ZNF474: variants seen among roughly 807,000 people sequenced by gnomAD.
The protein encoded by ZNF474 is 4933409D10Rik.
For missense variants in ZNF474, 511 were observed against 433.8 expected, an observed-to-expected ratio of 1.18 and a Z score of -1.58; for synonymous variants, 192 against 162.2, an observed-to-expected ratio of 1.18 and a Z score of -1.39.
intron 1 of ZNF474, among the ~76,000 whole-genome samples, chr5:122,138,667 G>A (rs1352751641): frequency 6.6e-6 from 1 of 152,170 alleles, no homozygotes; most frequent in Non-Finnish European, 1.5e-5. Context: ...AGATGGACTA[G>A]CATTGTGGCA....
At chr5:122,138,801 T>C (rs973533706) in intron 1 of ZNF474, among the ~76,000 whole-genome samples, 5 of 152,174 alleles carry the variant, frequency 3.3e-5, no homozygotes, top group African/African-American at 1.2e-4. Flanking sequence ...TGTGTATGTG[T>C]ATGTGTATTC....
chr5:122,138,281 CT>C (rs1444785507), intron 1 of ZNF474, among the ~76,000 whole-genome samples: 1 of 152,114 alleles, frequency 6.6e-6, no homozygotes, highest in Non-Finnish European at 1.5e-5. Context: ...TTTAGAGTGT[CT>C]GTTAGTGCCT....
At chr5:122,144,492 C>T (rs1755934349) in intron 1 of ZNF474, among the ~76,000 whole-genome samples, 1 of 152,150 alleles carries the variant, frequency 6.6e-6, no homozygotes, top group African/African-American at 2.4e-5. Context: ...CCAGCTCTTC[C>T]ACTTTTCAAG....
intron 1 of ZNF474, among the ~76,000 whole-genome samples, chr5:122,131,023 C>T (rs1755562078): frequency 6.6e-6 from 1 of 152,026 alleles, no homozygotes; most frequent in South Asian, 2.1e-4. Flanking sequence ...TCATGGTAAC[C>T]ATTATTGCAC....
chr5:122,146,563 T>C (rs1404723579), intron 1 of ZNF474, among the ~76,000 whole-genome samples: 1 of 152,188 alleles, frequency 6.6e-6, no homozygotes, highest in African/African-American at 2.4e-5. Flanking sequence ...AAATTTGAAA[T>C]AACATTATTA....
At chr5:122,130,943 C>T (rs1360556176) in intron 1 of ZNF474, among the ~76,000 whole-genome samples, 1 of 152,026 alleles carries the variant, frequency 6.6e-6, no homozygotes, top group African/African-American at 2.4e-5. Flanking sequence ...CATTAGGTTT[C>T]TAGCATTTAC....
chr5:122,130,849 GT>G (rs1199014503), intron 1 of ZNF474, among the ~76,000 whole-genome samples: 1 of 152,094 alleles, frequency 6.6e-6, no homozygotes, highest in African/African-American at 2.4e-5. Flanking sequence ...TTTGGCTGTG[GT>G]GAGAATGCTT....
At chr5:122,139,015 T>G (rs1755772635) in intron 1 of ZNF474, among the ~76,000 whole-genome samples, 1 of 152,250 alleles carries the variant, frequency 6.6e-6, no homozygotes, top group African/African-American at 2.4e-5. Context: ...ATTCCTTGAA[T>G]CAGTTCATGG....
chr5:122,135,399 C>T (rs750379158), intron 1 of ZNF474, among the ~76,000 whole-genome samples: 1 of 152,164 alleles, frequency 6.6e-6, no homozygotes, highest in Non-Finnish European at 1.5e-5. Flanking sequence ...AAATGTCCAA[C>T]ATCACTAATC....
In ZNF474 at chr5:122,152,643, G is replaced by C. The variant is rs758436284; in HGVS notation, c.653G>C (p.Arg218Pro). ...AAAGCTTGTAGTGGAACCCCAGCCC[G>C]ACCAAGGACTGTTATCTGCTACATA... ...LKKACSGTPARPRTVICYICG... is the reference protein window; with the variant it reads ...LKKACSGTPAPPRTVICYICG... Residue 218 changes from arginine (R) to proline (P), a missense_variant, in exon 2 of 2, where the codon CGA becomes CCA. Coordinates refer to ENST00000296600, the MANE Select transcript of ZNF474 (RefSeq NM_207317.3). The C allele has an allele frequency of 3.1e-6, 5 of 1,614,034 alleles. No homozygotes were observed. The highest frequency in any genetic ancestry group is 1.3e-5 in the African/African-American group (1 of 74,910).
intron 1 of ZNF474, among the ~76,000 whole-genome samples, chr5:122,138,854 A>T (rs1755769991): frequency 6.6e-6 from 1 of 152,158 alleles, no homozygotes; most frequent in Admixed American, 6.6e-5. Flanking sequence ...GTGAGGTGAT[A>T]ATAAGTATAA....
chr5:122,134,291 A>G (rs1410050889), intron 1 of ZNF474, among the ~76,000 whole-genome samples: 5 of 152,230 alleles, frequency 3.3e-5, no homozygotes, highest in Non-Finnish European at 5.9e-5. Flanking sequence ...CCAAGGTGCA[A>G]TGCAGCCAAG....
At chr5:122,135,944 G>T (rs1438586036) in intron 1 of ZNF474, among the ~76,000 whole-genome samples, 1 of 151,984 alleles carries the variant, frequency 6.6e-6, no homozygotes, top group Non-Finnish European at 1.5e-5. Flanking sequence ...AAAAAAAAAT[G>T]TGATCTCATT....
At chr5:122,135,790 C>T (rs1023715177) in intron 1 of ZNF474, among the ~76,000 whole-genome samples, 4 of 152,044 alleles carry the variant, frequency 2.6e-5, no homozygotes, top group Non-Finnish European at 5.9e-5. Flanking sequence ...CACATATACT[C>T]AATGGAATAT....
intron 1 of ZNF474, among the ~76,000 whole-genome samples, chr5:122,149,508 G>A (rs2152606674): frequency 6.6e-6 from 1 of 152,164 alleles, no homozygotes; most frequent in South Asian, 2.1e-4. Context: ...ATTAAAACAG[G>A]GATAAAAACT....
At chr5:122,142,315 C>T (rs926504772) in intron 1 of ZNF474, among the ~76,000 whole-genome samples, 1 of 152,204 alleles carries the variant, frequency 6.6e-6, no homozygotes, top group African/African-American at 2.4e-5. Flanking sequence ...TTAAATTAAA[C>T]TCTTCCCATC....
chr5:122,143,761 A>G (rs911881772), intron 1 of ZNF474, among the ~76,000 whole-genome samples: 2 of 152,142 alleles, frequency 1.3e-5, no homozygotes, highest in Non-Finnish European at 2.9e-5. Context: ...TAGCTTATTT[A>G]TGGTTCTTTT....
chr5:122,132,279 G>T (rs115668103), intron 1 of ZNF474, among the ~76,000 whole-genome samples: 1 of 151,950 alleles, frequency 6.6e-6, no homozygotes, highest in African/African-American at 2.4e-5. Flanking sequence ...TATGAGTAAA[G>T]CTACTGTAAA....
At chr5:122,132,196 G>T (rs191584396) in intron 1 of ZNF474, among the ~76,000 whole-genome samples, 164 of 152,116 alleles carry the variant, frequency 1.1e-3, no homozygotes, top group African/African-American at 3.8e-3. Flanking sequence ...ATATTCTATT[G>T]TATGAATATG....
Sources: allele counts gnomAD v4.1 joint callset (sites outside exome capture counted in the v4.1 genomes callset), GRCh38; gene constraint gnomAD v4.1.1; transcripts MANE v1.5; gene names NCBI Gene and HGNC (gene_info 2026-07-23, HGNC 2026-07-21).